PLEKHM3: variants seen among roughly 807,000 people sequenced by gnomAD.
The protein encoded by PLEKHM3 is pleckstrin homology domain-containing family M member 3.
A neutral mutation model predicts 81.8 loss-of-function variants in PLEKHM3; 45 were observed. That is an observed-to-expected ratio of 0.55 (90% CI 0.43 to 0.71). The LOEUF is 0.71. Among genes scored for constraint, PLEKHM3 ranks in the 30% least tolerant of loss-of-function variants. The pLI is 0.00. For missense variants in PLEKHM3, 788 were observed against 924.3 expected, an observed-to-expected ratio of 0.85 and a Z score of 1.91; for synonymous variants, 352 against 356.4, an observed-to-expected ratio of 0.99 and a Z score of 0.14.
At chr2:208,024,118 G>A (rs919351595) in intron 1 of PLEKHM3, among the ~76,000 whole-genome samples, 2 of 143,964 alleles carry the variant, frequency 1.4e-5, no homozygotes, top group Non-Finnish European at 3.0e-5. Context: ...ACTCCAGCCC[G>A]AATGACAGAG....
intron 2 of PLEKHM3, among the ~76,000 whole-genome samples, chr2:207,989,531 A>G (rs1691829843): frequency 6.6e-6 from 1 of 152,006 alleles, no homozygotes; most frequent in African/African-American, 2.4e-5. Context: ...TTTCCTTTTC[A>G]CAAGTCCCAC....
At chr2:207,940,537 C>A (rs1465958948) in intron 4 of PLEKHM3, among the ~76,000 whole-genome samples, 1 of 152,218 alleles carries the variant, frequency 6.6e-6, no homozygotes, top group Non-Finnish European at 1.5e-5. Flanking sequence ...GACTTGAGCT[C>A]TGGCAGTCTG....
rs1363955804 is a variant in PLEKHM3, at chr2:207,895,446, C to T, written c.1950+13068G>A. On this transcript the variant is annotated intron_variant, in intron 6 of 7. Transcript: ENST00000427836. Reference sequence around the variant, plus strand: ...AACTCAAATCCGTAGTTTTATTACCCGTGATTGCCTAGCCTACTTTCTCTC... The same window carrying T: ...AACTCAAATCCGTAGTTTTATTACCTGTGATTGCCTAGCCTACTTTCTCTC... Among the ~76,000 whole-genome samples the T allele has an allele frequency of 7.2e-5, 11 of 152,338 alleles. No individual in the cohort carries two copies. In the South Asian group the frequency reaches 1.0e-3, roughly 14 times the overall value.
intron 3 of PLEKHM3, among the ~76,000 whole-genome samples, chr2:207,956,718 A>AATTTT (rs1690524761): frequency 1.4e-5 from 1 of 69,108 alleles, no homozygotes; most frequent in Non-Finnish European, 2.8e-5. Flanking sequence ...GCTGATTAAA[A>AATTTT]TTTTTTTTTT....
rs1315732377 is a variant in PLEKHM3, at chr2:207,824,940, A to C, written c.*3379T>G. The C allele has an allele frequency of 6.6e-6, 1 of 151,872 alleles. No homozygotes were observed. The highest frequency in any genetic ancestry group is 1.5e-5 in the Non-Finnish European group (1 of 67,930). The allele number at this position is 151,872 out of a possible 1,614,324, so 9.4% of individuals were successfully genotyped here. A position where few individuals can be genotyped will look rare whatever the true frequency, so the allele number is the denominator to read the frequency against. Reference sequence around the variant, plus strand: ...GAGGCCTACTCTAGAAGAATCAAAAACCGATGACCCTCTCAGCGAATCCGA... The same window carrying C: ...GAGGCCTACTCTAGAAGAATCAAAACCCGATGACCCTCTCAGCGAATCCGA... On this transcript the variant is annotated 3_prime_UTR_variant, in exon 8 of 8. Coordinates refer to ENST00000427836, the MANE Select transcript of PLEKHM3 (RefSeq NM_001080475.3).
chr2:207,975,014 G>C (rs1691257896), intron 3 of PLEKHM3, among the ~76,000 whole-genome samples: 1 of 152,034 alleles, frequency 6.6e-6, no homozygotes, highest in Non-Finnish European at 1.5e-5. Context: ...ATTTTTAGTA[G>C]AGACGGGGTT....
intron 5 of PLEKHM3, among the ~76,000 whole-genome samples, chr2:207,915,663 C>T (rs1688967651): frequency 1.3e-5 from 2 of 152,146 alleles, no homozygotes; most frequent in South Asian, 2.1e-4. Flanking sequence ...CCACAACATA[C>T]ACACATGTAA....
chr2:207,839,819 G>C (rs1228390160), intron 7 of PLEKHM3, among the ~76,000 whole-genome samples: 2 of 152,102 alleles, frequency 1.3e-5, no homozygotes, highest in Non-Finnish European at 2.9e-5. Context: ...CCCAGCTACT[G>C]GGGAGGCTGA....
chr2:207,846,321 T>C (rs2092382509), intron 7 of PLEKHM3, among the ~76,000 whole-genome samples: 1 of 151,954 alleles, frequency 6.6e-6, no homozygotes, highest in Non-Finnish European at 1.5e-5. Context: ...TTTGTATTTT[T>C]AGTAGAGATG....
chr2:207,937,929 T>C (rs905896683), intron 4 of PLEKHM3, among the ~76,000 whole-genome samples: 1 of 152,222 alleles, frequency 6.6e-6, no homozygotes, highest in Admixed American at 6.5e-5. Context: ...TTACAATTTG[T>C]TCTCAGAATC....
intron 2 of PLEKHM3, among the ~76,000 whole-genome samples, chr2:207,981,581 A>C (rs1691525511): frequency 6.6e-6 from 1 of 152,184 alleles, no homozygotes; most frequent in African/African-American, 2.4e-5. Flanking sequence ...TCCTGGCTTC[A>C]AACAGTCCTC....
chr2:207,899,310 C>A (rs1007998427), intron 6 of PLEKHM3, among the ~76,000 whole-genome samples: 14 of 152,228 alleles, frequency 9.2e-5, no homozygotes, highest in Non-Finnish European at 2.9e-5. Context: ...TAGTCCAAGG[C>A]ATCAAGGGAT....
intron 5 of PLEKHM3, among the ~76,000 whole-genome samples, chr2:207,911,926 T>C (rs2105906404): frequency 6.6e-6 from 1 of 152,322 alleles, no homozygotes; most frequent in Admixed American, 6.5e-5. Flanking sequence ...GCTTTAAAAT[T>C]CTAAAACTTT....
chr2:207,948,231 G>A (rs374341630), intron 3 of PLEKHM3, among the ~76,000 whole-genome samples: 3 of 152,208 alleles, frequency 2.0e-5, no homozygotes, highest in Admixed American at 6.5e-5. Flanking sequence ...ATGTTGGAAT[G>A]CTGTTCACTG....
At chr2:208,011,785 CTTTTTTTTTTTTTT>C (rs1177948830) in intron 1 of PLEKHM3, among the ~76,000 whole-genome samples, 3 of 79,992 alleles carry the variant, frequency 3.8e-5, no homozygotes, top group Admixed American at 1.5e-4. Flanking sequence ...CTCTGATAAA[CTTTTTTTTTTTTTT>C]TTTTTTTTTT....
chr2:207,989,537 C>T (rs1301102447), intron 2 of PLEKHM3, among the ~76,000 whole-genome samples: 1 of 152,180 alleles, frequency 6.6e-6, no homozygotes, highest in Non-Finnish European at 1.5e-5. Context: ...TTTCACAAGT[C>T]CCACTTTCTC....
In PLEKHM3 at chr2:207,827,046, A is replaced by G. The variant is rs1026703010; in HGVS notation, c.*1273T>C. On this transcript the variant is annotated 3_prime_UTR_variant, in exon 8 of 8. Coordinates refer to ENST00000427836, the MANE Select transcript of PLEKHM3 (RefSeq NM_001080475.3). ...CTTTCTTACTCCTATTATTTATTTT[A>G]GCACTCTTTGTTTTACTTCAAGGTG... The G allele has an allele frequency of 6.6e-6, 1 of 152,190 alleles. No individual in the cohort carries two copies. Among genetic ancestry groups the G allele is most frequent in the Non-Finnish European group, 1.5e-5 (1 of 68,002 alleles). The allele number at this position is 152,190 out of a possible 1,614,324, so 9.4% of individuals were successfully genotyped here.
At chr2:207,897,401 A>G (rs6720534) in intron 6 of PLEKHM3, among the ~76,000 whole-genome samples, 3,574 of 152,312 alleles carry the variant, frequency 0.023, 138 homozygotes, top group African/African-American at 0.081. Context: ...CTCTACCCCT[A>G]GTAAAGTGCC....
At chr2:207,932,188 T>C (rs1326506961) in intron 4 of PLEKHM3, among the ~76,000 whole-genome samples, 1 of 152,212 alleles carries the variant, frequency 6.6e-6, no homozygotes, top group Non-Finnish European at 1.5e-5. Context: ...CCTTGAGTGG[T>C]AATCCACGGT....
Sources: allele counts gnomAD v4.1 joint callset (sites outside exome capture counted in the v4.1 genomes callset), GRCh38; gene constraint gnomAD v4.1.1; transcripts MANE v1.5; gene names NCBI Gene and HGNC (gene_info 2026-07-23, HGNC 2026-07-21).